The following DLGAP1 variants were observed in gnomAD, a reference collection of about 807,000 sequenced individuals.
The protein encoded by DLGAP1 is disks large-associated protein 1.
Under a neutral mutation model 90.8 loss-of-function variants are expected in DLGAP1, and 11 were observed. The ratio of observed to expected loss-of-function variants is 0.12; its 90% CI spans 0.08 to 0.20. DLGAP1 has a LOEUF of 0.20. Among genes scored for constraint, DLGAP1 ranks in the 10% least tolerant of loss-of-function variants. The pLI is 1.00. For synonymous variants in DLGAP1, 558 were observed against 540.7 expected (o/e 1.03, Z -0.44); for missense variants, 1,050 against 1,333.8 (o/e 0.79, Z 3.31).
At chr18:3,602,129 C>T (rs1178390085) in intron 7 of DLGAP1, among the ~76,000 whole-genome samples, 1 of 152,170 alleles carries the variant, frequency 6.6e-6, no homozygotes, top group Non-Finnish European at 1.5e-5. Context: ...TTTGATGCTG[C>T]CCAGGACACT....
intron 1 of DLGAP1, among the ~76,000 whole-genome samples, chr18:4,435,347 T>C (rs1436123581): frequency 6.6e-6 from 1 of 151,968 alleles, no homozygotes; most frequent in Non-Finnish European, 1.5e-5. Flanking sequence ...ACTATAAGGA[T>C]GATGTATATG....
chr18:4,135,664 T>A (rs1367123313), intron 2 of DLGAP1, among the ~76,000 whole-genome samples: 1 of 152,124 alleles, frequency 6.6e-6, no homozygotes, highest in Non-Finnish European at 1.5e-5. Flanking sequence ...AGTTCAGTTG[T>A]CTTAATCTAT....
rs998993589 is a variant in DLGAP1 at position 3,711,937 on chromosome 18, G to A, written c.1591+17198C>T. On this transcript the variant is annotated intron_variant, in intron 7 of 12. Transcript: ENST00000315677. The surrounding 1 kb of genome is among the most constrained non-coding windows in gnomAD (Gnocchi z 4.0). ...ATGGGGAGTGTGGGGATGGGCTGTG[G>A]GAAGGGAGGCATACAGAAATGTATA... Among the ~76,000 whole-genome samples the A allele has an allele frequency of 6.6e-6, 1 of 152,250 alleles. No homozygotes were observed. Among genetic ancestry groups the A allele is most frequent in the Middle Eastern group, 3.4e-3 (1 of 294 alleles).
intron 3 of DLGAP1, among the ~76,000 whole-genome samples, chr18:3,999,900 C>T (rs2074146825): frequency 6.6e-6 from 1 of 152,206 alleles, no homozygotes. Flanking sequence ...CAACCTCAAA[C>T]TTCTGGACTC....
intron 3 of DLGAP1, among the ~76,000 whole-genome samples, chr18:3,920,332 C>T (rs1037307349): frequency 3.2e-5 from 4 of 125,546 alleles, no homozygotes; most frequent in Non-Finnish European, 4.7e-5. Context: ...CTGCCTTCAG[C>T]GACTGAGGGA....
At chr18:3,504,625 C>A (rs2143685935) in intron 11 of DLGAP1, among the ~76,000 whole-genome samples, 1 of 152,180 alleles carries the variant, frequency 6.6e-6, no homozygotes, top group East Asian at 1.9e-4. Context: ...GCCACAAGAT[C>A]CTCCTGCCTC....
chr18:3,748,015 CAG>C (rs1423389428), intron 5 of DLGAP1, among the ~76,000 whole-genome samples: 3 of 152,202 alleles, frequency 2.0e-5, no homozygotes, highest in African/African-American at 7.2e-5. Flanking sequence ...AGAAGAAAGA[CAG>C]TGTGCATATT....
chr18:3,977,446 T>TTTTTTTTTTTTTTTTTTTTTTTG (rs2073615078), intron 3 of DLGAP1, among the ~76,000 whole-genome samples: 1 of 147,622 alleles, frequency 6.8e-6, no homozygotes, highest in African/African-American at 2.5e-5. Context: ...TTTTTTTTTT[T>TTTTTTTTTTTTTTTTTTTTTTTG]TTTTTTTTGC....
At chr18:3,955,796 T>A (rs749287802) in intron 3 of DLGAP1, among the ~76,000 whole-genome samples, 199 of 152,034 alleles carry the variant, frequency 1.3e-3, no homozygotes, top group Non-Finnish European at 2.6e-3. Flanking sequence ...CTAGTATGTG[T>A]GCAATAATAA....
chr18:4,247,386 G>A (rs964312828), intron 1 of DLGAP1, among the ~76,000 whole-genome samples: 3 of 152,128 alleles, frequency 2.0e-5, no homozygotes, highest in Non-Finnish European at 2.9e-5. Context: ...ACCAGAATTC[G>A]AACCCATGCG....
chr18:3,790,392 T>G (rs963468863), intron 5 of DLGAP1, among the ~76,000 whole-genome samples: 2 of 151,850 alleles, frequency 1.3e-5, no homozygotes, highest in African/African-American at 4.8e-5. Context: ...CTTAGCCTCC[T>G]GAGTAGCTGG....
chr18:3,876,064 C>T (rs115862857), intron 4 of DLGAP1, among the ~76,000 whole-genome samples: 1,640 of 152,090 alleles, frequency 0.011, 23 homozygotes, highest in Middle Eastern at 0.041. Flanking sequence ...ACCCTCTTTC[C>T]CTCTCTGTTT....
At chr18:4,265,123 C>T (rs901402678) in intron 1 of DLGAP1, among the ~76,000 whole-genome samples, 2 of 150,842 alleles carry the variant, frequency 1.3e-5, no homozygotes, top group Non-Finnish European at 3.0e-5. Flanking sequence ...TCCTTCCTTC[C>T]TTCCTTCCTT....
intron 1 of DLGAP1, among the ~76,000 whole-genome samples, chr18:4,417,414 T>C (rs2082924504): frequency 6.6e-6 from 1 of 152,142 alleles, no homozygotes; most frequent in Non-Finnish European, 1.5e-5. Context: ...ATACAGTAAA[T>C]ATGGGGTTTT....
intron 2 of DLGAP1, among the ~76,000 whole-genome samples, chr18:4,107,156 G>A (rs1357412639): frequency 6.6e-6 from 1 of 152,188 alleles, no homozygotes; most frequent in Non-Finnish European, 1.5e-5. Flanking sequence ...TTGCCTCTTT[G>A]CTGAAGCAAA....
chr18:4,007,263 AG>A (rs1444956556), intron 2 of DLGAP1, among the ~76,000 whole-genome samples: 2 of 152,108 alleles, frequency 1.3e-5, no homozygotes, highest in African/African-American at 4.8e-5. Context: ...TGAAAGGCCA[AG>A]GTCTGAAGAG....
At chr18:4,002,741 T>G (rs79165673) in intron 3 of DLGAP1, among the ~76,000 whole-genome samples, 11,836 of 152,216 alleles carry the variant, frequency 0.078, 1,317 homozygotes, top group African/African-American at 0.25. Context: ...GTTCCCCTAA[T>G]CGCCACATTA....
intron 1 of DLGAP1, among the ~76,000 whole-genome samples, chr18:4,418,152 C>CA (rs763488633): frequency 5.3e-5 from 8 of 152,206 alleles, no homozygotes; most frequent in Admixed American, 1.3e-4. Context: ...ACACCTAACC[C>CA]AACTCCTAAC....
intron 7 of DLGAP1, among the ~76,000 whole-genome samples, chr18:3,709,877 T>C (rs1368914796): frequency 2.0e-5 from 3 of 152,170 alleles, no homozygotes; most frequent in Non-Finnish European, 4.4e-5. Flanking sequence ...GTAGACAGCA[T>C]GGGCATAAGG....
Sources: gnomAD v4.1 joint callset for allele counts (sites outside exome capture counted in the v4.1 genomes callset) on GRCh38, gnomAD v4.1.1 for gene constraint, Gnocchi (gnomAD v3.1) non-coding constraint, MANE v1.5 for transcripts, NCBI Gene and HGNC (gene_info 2026-07-23, HGNC 2026-07-21) for gene names.